MTMR7: variants seen among roughly 807,000 people sequenced by gnomAD.
MTMR7 encodes myotubularin related protein 7.
A neutral mutation model predicts 81.2 loss-of-function variants in MTMR7; 76 were observed. The ratio of observed to expected loss-of-function variants is 0.94; its 90% CI spans 0.78 to 1.13. The LOEUF is 1.13. Ranked by LOEUF, MTMR7 falls within the 50% of genes most tolerant of loss-of-function variation. MTMR7 has a pLI of 0.00. For missense variants in MTMR7, 1,044 were observed against 820.0 expected (o/e 1.27, Z -3.34); for synonymous variants, 372 against 289.8 (o/e 1.28, Z -2.88).
At chr8:17,366,675 AG>A (rs918569362) in intron 3 of MTMR7, among the ~76,000 whole-genome samples, 1 of 152,156 alleles carries the variant, frequency 6.6e-6, no homozygotes, top group African/African-American at 2.4e-5. Context: ...TCATGAGGTC[AG>A]GAGGTCGAGA....
chr8:17,372,013 C>G (rs868422506), intron 2 of MTMR7, among the ~76,000 whole-genome samples: 21 of 152,106 alleles, frequency 1.4e-4, no homozygotes, highest in Admixed American at 5.2e-4. Context: ...CAATCAATAT[C>G]TCCTCATTCC....
intron 1 of MTMR7, among the ~76,000 whole-genome samples, chr8:17,402,368 C>T (rs1226640037): frequency 2.0e-5 from 3 of 152,080 alleles, no homozygotes; most frequent in Admixed American, 6.6e-5. Flanking sequence ...TTTCTGTAGC[C>T]GTTAACAATT....
intron 3 of MTMR7, among the ~76,000 whole-genome samples, chr8:17,369,617 A>G (rs1820343820): frequency 6.7e-6 from 1 of 149,006 alleles, no homozygotes. Flanking sequence ...AACTTAGAGT[A>G]TAGTAGAGTA....
At chr8:17,391,558 C>T (rs1821109613) in intron 1 of MTMR7, among the ~76,000 whole-genome samples, 1 of 152,064 alleles carries the variant, frequency 6.6e-6, no homozygotes, top group African/African-American at 2.4e-5. Context: ...ATATATGCAT[C>T]AATAGGGTCT....
At position 17,331,244 on chromosome 8, in the gene MTMR7, A is replaced by C. The variant is rs2150529842; in HGVS notation, c.771T>G (p.Tyr257Ter). 6.2e-7 allele frequency: 1 copy of C among 1,611,908 alleles called. No individual in the cohort carries two copies. The highest frequency in any genetic ancestry group is 2.2e-5 in the East Asian group (1 of 44,734). Reference protein sequence around the residue: ...AMANRAAGKGYENEDNYSNIK... With the variant: ...AMANRAAGKG The stretch of plus-strand genomic sequence containing the variant: ...TATTGGAATAATTGTCTTCATTCTC[A>C]TAGCCTTTCCCTGCAGCACGATTTG... The change falls in exon 7 of 14, where the codon TAT (tyrosine) becomes TAG (stop). Residue 257 changes from tyrosine to a stop codon, truncating the protein, a stop_gained. Transcript: ENST00000180173. LOFTEE classifies it high-confidence loss of function.
chr8:17,402,389 G>A (rs543978772), intron 1 of MTMR7, among the ~76,000 whole-genome samples: 6 of 151,844 alleles, frequency 4.0e-5, no homozygotes, highest in South Asian at 2.1e-4. Context: ...GCCACTATCC[G>A]CCCTCACCTG....
chr8:17,383,526 T>C (rs1382973112), intron 1 of MTMR7, among the ~76,000 whole-genome samples: 2 of 152,204 alleles, frequency 1.3e-5, no homozygotes, highest in Non-Finnish European at 1.5e-5. Flanking sequence ...AAGTGTCCAC[T>C]TCCCTGGATC....
intron 1 of MTMR7, among the ~76,000 whole-genome samples, chr8:17,404,322 C>A (rs749911033): frequency 6.6e-6 from 1 of 151,862 alleles, no homozygotes; most frequent in African/African-American, 2.4e-5. Context: ...AACGGTGGAT[C>A]GCCGAGATTG....
At chr8:17,328,225 AT>A (rs1818792734) in intron 7 of MTMR7, among the ~76,000 whole-genome samples, 1 of 129,018 alleles carries the variant, frequency 7.8e-6, no homozygotes, top group Non-Finnish European at 1.6e-5. Flanking sequence ...TTCAGGGCAG[AT>A]ATGAAGGGTG....
chr8:17,308,263 G>A (rs1363221754), intron 10 of MTMR7, among the ~76,000 whole-genome samples: 3 of 151,672 alleles, frequency 2.0e-5, no homozygotes, highest in African/African-American at 7.3e-5. Context: ...TATTCTTTCT[G>A]TCATCTGTCT....
At chr8:17,349,952 T>C (rs1819679491) in intron 4 of MTMR7, among the ~76,000 whole-genome samples, 1 of 152,190 alleles carries the variant, frequency 6.6e-6, no homozygotes, top group Admixed American at 6.5e-5. Context: ...GAAGTGATAC[T>C]GCAGCAACAA....
At chr8:17,300,314 C>A in intron 13 of MTMR7, 90 bp from the exon 14 acceptor site, 1 of 1,335,860 alleles carries the variant, frequency 7.5e-7, no homozygotes. Context: ...TTACCTCCCA[C>A]GTGGGTATAA....
chr8:17,325,512 G>C (rs1215229920), intron 7 of MTMR7, among the ~76,000 whole-genome samples: 1 of 152,172 alleles, frequency 6.6e-6, no homozygotes, highest in East Asian at 1.9e-4. Flanking sequence ...AAAGATTCCA[G>C]TCTTTTAGAA....
In MTMR7 at chr8:17,373,184, A is replaced by T. The variant is rs146882978; in HGVS notation, c.81T>A (p.Thr27=). Residue 27 remains threonine (T), a synonymous_variant, in exon 2 of 14, where the codon ACT becomes ACA. Coordinates refer to ENST00000180173, the MANE Select transcript of MTMR7 (RefSeq NM_004686.5). ...TGACATGGGTAGCCGTCAAATACAA[A>T]GTACCTAGAGCTGCTTTTTTAGGAG... is the stretch of plus-strand genomic sequence containing the variant. ...RVSPKKAALG[T]LYLTATHVIF... 3 of 1,613,974 alleles carry T rather than the reference A, an allele frequency of 1.9e-6. No individual in the cohort carries two copies. Among genetic ancestry groups the T allele is most frequent in the Non-Finnish European group, 2.5e-6 (3 of 1,179,842 alleles).
In MTMR7 at chr8:17,373,221, A is replaced by C; in HGVS notation, c.44T>G (p.Val15Gly). ...RTPKVENVRL[V>G]DRVSPKKAAL... ...TGCTTTTTTAGGAGACACTCGATCT[A>C]CCAAGCGGACATTTTCAACCTAGAG... Residue 15 changes from valine (V) to glycine (G), a missense_variant, in exon 2 of 14, where the codon GTA (valine) becomes GGA (glycine). By Grantham distance (109) the Val-to-Gly change is moderately radical. Transcript: ENST00000180173. 1.2e-6 allele frequency: 2 copies of C among 1,613,058 alleles called. No homozygotes were observed. Among genetic ancestry groups the C allele is most frequent in the East Asian group, 4.5e-5 (2 of 44,874 alleles).
At chr8:17,385,001 G>GA (rs1461723731) in intron 1 of MTMR7, among the ~76,000 whole-genome samples, 2 of 152,186 alleles carry the variant, frequency 1.3e-5, no homozygotes, top group African/African-American at 4.8e-5. Flanking sequence ...GTATAATGAA[G>GA]AAAAAATGCT....
At chr8:17,347,229 C>T (rs941338843) in intron 5 of MTMR7, among the ~76,000 whole-genome samples, 5 of 151,916 alleles carry the variant, frequency 3.3e-5, no homozygotes, top group African/African-American at 1.2e-4. Context: ...CTTCCTTTGC[C>T]TCTAACCAGT....
At position 17,315,190 on chromosome 8, in the gene MTMR7, C is replaced by T. The variant is rs897812714; in HGVS notation, c.866-1789G>A. Among the ~76,000 whole-genome samples, 3 of 152,096 alleles carry T rather than the reference C, an allele frequency of 2.0e-5. 1 individual carries two copies. The highest frequency in any genetic ancestry group is 2.0e-4 in the Admixed American group (3 of 15,272). ...AAAGGAGATGAGCTATGAAAAGACA[C>T]AGAGGGAAGTTAAATGCACAGTGCT... On this transcript the variant is annotated intron_variant, in intron 7 of 13. Coordinates refer to ENST00000180173, the MANE Select transcript of MTMR7 (RefSeq NM_004686.5).
At chr8:17,396,170 G>C in intron 1 of MTMR7, among the ~76,000 whole-genome samples, 1 of 150,932 alleles carries the variant, frequency 6.6e-6, no homozygotes, top group Non-Finnish European at 1.5e-5. Flanking sequence ...TGGAAAGAGA[G>C]ATGACCAAAT....
Sources: allele counts gnomAD v4.1 joint callset (sites outside exome capture counted in the v4.1 genomes callset), GRCh38; gene constraint gnomAD v4.1.1; transcripts MANE v1.5; gene names NCBI Gene and HGNC (gene_info 2026-07-23, HGNC 2026-07-21).